DPY30: variants seen among roughly 807,000 people sequenced by gnomAD.
DPY30 encodes the protein dpy-30 histone methyltransferase complex regulatory subunit, also known as protein dpy-30 homolog.
Under a neutral mutation model 16.2 loss-of-function variants are expected in DPY30, and 6 were observed. The ratio of observed to expected loss-of-function variants is 0.37; its 90% confidence interval spans 0.20 to 0.73. DPY30 has a LOEUF of 0.73. Ranked by LOEUF, DPY30 falls within the 30% of genes least tolerant of loss-of-function variation. The probability of loss-of-function intolerance (pLI) is 0.51; values close to 1 mark genes in which losing one functional copy is unlikely to be tolerated. For missense variants in DPY30, 73 were observed against 113.1 expected, an observed-to-expected ratio of 0.65 and a Z score of 1.61; for synonymous variants, 39 against 38.8, an observed-to-expected ratio of 1.00 and a Z score of -0.02.
At chr2:32,039,207 A>G (rs956859004) in intron 3 of DPY30, 72 bp downstream of exon 3, 12 of 1,595,356 alleles carry the variant, frequency 7.5e-6, no homozygotes, top group Non-Finnish European at 8.6e-6. Context: ...GCCACCTAGT[A>G]AAAGCAGATC....
chr2:32,036,634 G>A (rs1269110870), intron 3 of DPY30, among the ~76,000 whole-genome samples: 4 of 147,546 alleles, frequency 2.7e-5, no homozygotes, highest in Non-Finnish European at 5.9e-5. Context: ...TCACGCCACT[G>A]CACTCCAGCC....
At chr2:32,036,079 G>A (rs1675725880) in intron 3 of DPY30, among the ~76,000 whole-genome samples, 1 of 151,276 alleles carries the variant, frequency 6.6e-6, no homozygotes, top group South Asian at 2.1e-4. Flanking sequence ...TGGCCTCCCA[G>A]GCTCAAGCAA....
downstream of DPY30, chr2:32,023,664 A>T: frequency 8.5e-7 from 1 of 1,175,430 alleles, no homozygotes; most frequent in Non-Finnish European, 1.1e-6. Flanking sequence ...ACTTTAATGT[A>T]CATTAGAATC....
At chr2:32,030,080 A>T (rs75482545) in intron 3 of DPY30, among the ~76,000 whole-genome samples, 5,933 of 149,932 alleles carry the variant, frequency 0.04, 152 homozygotes, top group African/African-American at 0.064. Context: ...AAAAAAAAAA[A>T]AATAATGAAT....
At chr2:32,017,882 G>T (rs1675094231) in intron 5 of DPY30, among the ~76,000 whole-genome samples, 1 of 152,116 alleles carries the variant, frequency 6.6e-6, no homozygotes, top group African/African-American at 2.4e-5. Context: ...TTATGAGTGG[G>T]GGATCTTTCA....
At chr2:32,032,331 G>C (rs1294638969) in intron 3 of DPY30, among the ~76,000 whole-genome samples, 1 of 152,106 alleles carries the variant, frequency 6.6e-6, no homozygotes, top group Non-Finnish European at 1.5e-5. Flanking sequence ...TTTCAGAAAT[G>C]CTAACTGAGC....
At chr2:32,026,811 AAAAT>A (rs1174430437) in intron 4 of DPY30, among the ~76,000 whole-genome samples, 1 of 152,024 alleles carries the variant, frequency 6.6e-6, no homozygotes, top group Non-Finnish European at 1.5e-5. Flanking sequence ...TCCGTCTCAA[AAAAT>A]AAATAAATAA....
chr2:32,027,627 A>ATTT (rs1190753873), intron 4 of DPY30, among the ~76,000 whole-genome samples: 12 of 117,896 alleles, frequency 1.0e-4, no homozygotes, highest in African/African-American at 2.7e-4. Flanking sequence ...CAAGATACCC[A>ATTT]TTTTTTTTTT....
At position 32,030,762 on chromosome 2, in the gene DPY30, G is replaced by C. The variant is rs1443744347; in HGVS notation, c.85-1026C>G. Among the ~76,000 whole-genome samples, 4 of 152,120 alleles carry C rather than the reference G, an allele frequency of 2.6e-5. No individual in the cohort carries two copies. The East Asian group carries it at 7.7e-4, about 29-fold the overall frequency. On this transcript the variant is annotated intron_variant, in intron 3 of 4. Transcript: ENST00000342166. The stretch of plus-strand genomic sequence containing the variant: ...TGCAGTGAGACGAGATCATGCCACT[G>C]TACTCTAGCCTGACCGACAAAGCAA...
At chr2:32,023,553 TGAAACTTAGTAG>T, downstream of DPY30, 1 of 525,978 alleles carries the variant, frequency 1.9e-6, no homozygotes, top group South Asian at 1.5e-5. Flanking sequence ...GTACTATGCC[TGAAACTTAGTAG>T]GAATGCAATA....
chr2:32,014,485 CT>C (rs34360226), intron 5 of DPY30, among the ~76,000 whole-genome samples: 17,795 of 140,990 alleles, frequency 0.13, 1,108 homozygotes, highest in Middle Eastern at 0.19. Context: ...GAGATCCCAT[CT>C]TTTTTTTTTT....
chr2:32,024,324 T>TC, intron 4 of DPY30, 68 bp from the exon 5 acceptor site: 1 of 1,151,274 alleles, frequency 8.7e-7, no homozygotes. Context: ...AACATATTGT[T>TC]CCATAATGAA....
chr2:32,013,905 G>T (rs1395258753), intron 5 of DPY30, among the ~76,000 whole-genome samples: 1 of 152,224 alleles, frequency 6.6e-6, no homozygotes, highest in African/African-American at 2.4e-5. Context: ...CAACTCGGGA[G>T]GCTGAGGCAG....
chr2:32,030,499 A>G (rs536734890), intron 3 of DPY30, among the ~76,000 whole-genome samples: 25 of 152,006 alleles, frequency 1.6e-4, no homozygotes, highest in Admixed American at 7.9e-4. Context: ...GCGTGGTGGC[A>G]GGCGCCTGTA....
At chr2:32,016,624 C>T (rs939586542) in intron 5 of DPY30, among the ~76,000 whole-genome samples, 2 of 152,014 alleles carry the variant, frequency 1.3e-5, no homozygotes, top group Admixed American at 1.3e-4. Flanking sequence ...TCTATCCAAC[C>T]CACTCTCCTC....
chr2:32,015,409 C>A lies in DPY30; in HGVS notation n.378-3357G>T, dbSNP rs150648999. On this transcript the variant is annotated intron_variant and non_coding_transcript_variant, in intron 5 of 5. Transcript: ENST00000414013. Reference sequence around the variant, plus strand: ...TTATTAAATACTGTGTATCTGAACACTAGACTAAGTACATTAGATATTTAA... The same window carrying A: ...TTATTAAATACTGTGTATCTGAACAATAGACTAAGTACATTAGATATTTAA... Among the ~76,000 whole-genome samples the A allele has an allele frequency of 9.7e-3, 1,469 of 152,098 alleles. 25 individuals are homozygous for A. The highest frequency in any genetic ancestry group is 0.048 in the South Asian group (231 of 4,824).
chr2:32,022,632 C>T (rs1675210855), downstream of DPY30, among the ~76,000 whole-genome samples: 1 of 151,874 alleles, frequency 6.6e-6, no homozygotes, highest in South Asian at 2.1e-4. Flanking sequence ...AGTCTTCTGC[C>T]TGAGCCTCCC....
Position 32,029,234 on chromosome 2 carries a change from G to A in DPY30, c.227+360C>T, listed in dbSNP as rs544564804. ...TTGCAGTGAACGAGATCATACCACC[G>A]TCCTCCAGCCTGGGCAACAGAGCTA... On this transcript the variant is annotated intron_variant, in intron 4 of 4. Transcript: ENST00000342166. 4.8e-4 allele frequency among the ~76,000 whole-genome samples: 73 copies of A among 152,202 alleles called. 2 individuals are homozygous for A. Among genetic ancestry groups the A allele is most frequent in the African/African-American group, 2.9e-4 (12 of 41,528 alleles).
chr2:32,023,584 C>T (rs933862594), downstream of DPY30: 9 of 609,466 alleles, frequency 1.5e-5, no homozygotes, highest in Non-Finnish European at 2.0e-5. Flanking sequence ...TAAATTACAG[C>T]TATTACTATA....
Sources: allele counts gnomAD v4.1 joint callset (sites outside exome capture counted in the v4.1 genomes callset), GRCh38; gene constraint gnomAD v4.1.1; transcripts MANE v1.5; gene names NCBI Gene and HGNC (gene_info 2026-07-23, HGNC 2026-07-21).